Variants in OR10J1 observed in about 807,000 individuals in gnomAD.
The protein encoded by OR10J1 is olfactory receptor 10J1.
For synonymous variants in OR10J1, 202 were observed against 143.8 expected (o/e 1.40, Z -2.89); for missense variants, 474 against 376.6 (o/e 1.26, Z -2.14).
the OR10J1 span, among the ~76,000 whole-genome samples, chr1:159,405,184 A>G: frequency 1.3e-5 from 2 of 152,254 alleles, no homozygotes; most frequent in East Asian, 3.9e-4. Context: ...ATAAGGAACA[A>G]CTAAATTAAC....
chr1:159,417,764 A>G, the OR10J1 span, among the ~76,000 whole-genome samples: 1 of 152,214 alleles, frequency 6.6e-6, no homozygotes, highest in Non-Finnish European at 1.5e-5. Flanking sequence ...AGGTTGGAAC[A>G]GTTTGGAGGG....
upstream of OR10J1, among the ~76,000 whole-genome samples, chr1:159,433,718 C>T (rs373582359): frequency 7.9e-5 from 12 of 152,194 alleles, no homozygotes; most frequent in African/African-American, 2.9e-4. Context: ...TAGTCAATCA[C>T]TGTACCCAAA....
chr1:159,426,936 T>C, the OR10J1 span, among the ~76,000 whole-genome samples: 2 of 151,940 alleles, frequency 1.3e-5, no homozygotes, highest in African/African-American at 4.8e-5. Context: ...CAGTCTTTAA[T>C]ACTGCTTGAG....
rs1252346033 is a variant in OR10J1, at chr1:159,440,299, G to T, written c.508G>T (p.Ala170Ser). Reference sequence around the variant, plus strand: ...ATCTGTATTCAGGTTACCCTTCTGTGCTAGAAAGGTGCCCCACTTCTTCTG... The same window carrying T: ...ATCTGTATTCAGGTTACCCTTCTGTTCTAGAAAGGTGCCCCACTTCTTCTG... Reference protein sequence around the residue: ...VTSVFRLPFCARKVPHFFCDI... With the variant: ...VTSVFRLPFCSRKVPHFFCDI... Residue 170 changes from alanine to serine, a missense_variant, in exon 1 of 1, where the codon GCT (alanine) becomes TCT (serine). Transcript: ENST00000423932. 6.2e-7 allele frequency: 1 copy of T among 1,614,152 alleles called. No homozygotes were observed. Among genetic ancestry groups the T allele is most frequent in the Non-Finnish European group, 8.5e-7 (1 of 1,180,002 alleles).
chr1:159,433,132 C>G (rs1315221595), upstream of OR10J1: 1 of 416,360 alleles, frequency 2.4e-6, no homozygotes, highest in Non-Finnish European at 4.3e-6. Flanking sequence ...GAAAGCCTCT[C>G]TCTTAGGTGC....
the OR10J1 span, among the ~76,000 whole-genome samples, chr1:159,424,216 CAAAA>C: frequency 1.0e-5 from 1 of 98,422 alleles, no homozygotes; most frequent in African/African-American, 3.8e-5. Flanking sequence ...ACTCCATCTC[CAAAA>C]AAAAAAAAGC....
the OR10J1 span, among the ~76,000 whole-genome samples, chr1:159,422,704 C>G: frequency 6.6e-6 from 1 of 152,174 alleles, no homozygotes; most frequent in South Asian, 2.1e-4. Flanking sequence ...AGCATGAGCT[C>G]CCTCTAGAGC....
the OR10J1 span, among the ~76,000 whole-genome samples, chr1:159,412,532 A>G: frequency 3.6e-4 from 52 of 146,428 alleles, no homozygotes; most frequent in African/African-American, 1.3e-3. Flanking sequence ...AAATAATGCC[A>G]CATATCTACA....
At chr1:159,411,732 C>A in the OR10J1 span, among the ~76,000 whole-genome samples, 2 of 152,086 alleles carry the variant, frequency 1.3e-5, no homozygotes, top group African/African-American at 2.4e-5. Flanking sequence ...TGAATCTGAT[C>A]CTGTCATTGT....
chr1:159,434,698 C>T (rs888023316), upstream of OR10J1, among the ~76,000 whole-genome samples: 2 of 152,160 alleles, frequency 1.3e-5, no homozygotes, highest in Non-Finnish European at 2.9e-5. Flanking sequence ...TGATACTTAA[C>T]CTCCCTGGTT....
At chr1:159,420,735 T>C in the OR10J1 span, among the ~76,000 whole-genome samples, 3 of 152,216 alleles carry the variant, frequency 2.0e-5, no homozygotes, top group East Asian at 5.8e-4. Flanking sequence ...TATTATCTCA[T>C]GGTCTGCATG....
the OR10J1 span, among the ~76,000 whole-genome samples, chr1:159,410,182 G>A: frequency 4.7e-4 from 72 of 152,194 alleles, no homozygotes; most frequent in African/African-American, 1.6e-3. Flanking sequence ...GTCTCTGCCC[G>A]GCTTTGGTAT....
the OR10J1 span, among the ~76,000 whole-genome samples, chr1:159,402,984 A>C: frequency 6.6e-6 from 1 of 152,112 alleles, no homozygotes; most frequent in African/African-American, 2.4e-5. Context: ...CATTTTAAAC[A>C]AAGGTACCTA....
the OR10J1 span, among the ~76,000 whole-genome samples, chr1:159,426,009 A>G: frequency 6.6e-6 from 1 of 152,008 alleles, no homozygotes; most frequent in Admixed American, 6.6e-5. Context: ...TAGCAAAAAT[A>G]AAATTAAACT....
At chr1:159,412,103 T>G in the OR10J1 span, among the ~76,000 whole-genome samples, 2 of 151,898 alleles carry the variant, frequency 1.3e-5, no homozygotes, top group Non-Finnish European at 2.9e-5. Context: ...TCAAAGAGAA[T>G]AAAATACTTA....
At chr1:159,412,598 A>G in the OR10J1 span, among the ~76,000 whole-genome samples, 2 of 150,394 alleles carry the variant, frequency 1.3e-5, no homozygotes, top group African/African-American at 2.5e-5. Flanking sequence ...AGGATTCCCT[A>G]TTTAATAAAT....
At chr1:159,420,382 T>C in the OR10J1 span, among the ~76,000 whole-genome samples, 1 of 152,156 alleles carries the variant, frequency 6.6e-6, no homozygotes, top group Non-Finnish European at 1.5e-5. Flanking sequence ...TCTGGTTGTT[T>C]TGTATATTCT....
the OR10J1 span, among the ~76,000 whole-genome samples, chr1:159,430,815 A>G: frequency 1.3e-5 from 2 of 152,122 alleles, no homozygotes; most frequent in Non-Finnish European, 2.9e-5. Flanking sequence ...GCACTTGGCA[A>G]TTTACATACA....
At chr1:159,398,798 A>C in the OR10J1 span, among the ~76,000 whole-genome samples, 1 of 152,194 alleles carries the variant, frequency 6.6e-6, no homozygotes, top group Non-Finnish European at 1.5e-5. Flanking sequence ...ATTTTAGAGA[A>C]TTATTATTGA....
Sources: allele counts gnomAD v4.1 joint callset (sites outside exome capture counted in the v4.1 genomes callset), GRCh38; gene constraint gnomAD v4.1.1; transcripts MANE v1.5; gene names NCBI Gene and HGNC (gene_info 2026-07-23, HGNC 2026-07-21).